CPA6: variants seen among roughly 807,000 people sequenced by gnomAD.
The protein encoded by CPA6 is carboxypeptidase B.
In CPA6, 58 loss-of-function variants were observed where a neutral mutation model predicts 63.3. The observed-to-expected ratio is 0.92, with a 90% CI of 0.74 to 1.14. The LOEUF (loss-of-function observed/expected upper bound fraction) is 1.14, where lower values mean the gene tolerates loss of function less well. Ranked by LOEUF, CPA6 falls within the 50% of genes most tolerant of loss-of-function variation. CPA6 has a pLI of 0.00. For synonymous variants in CPA6, 185 were observed against 179.0 expected (o/e 1.03, Z -0.27); for missense variants, 565 against 526.6 (o/e 1.07, Z -0.71).
intron 8 of CPA6, among the ~76,000 whole-genome samples, chr8:67,461,021 T>C (rs193134588): frequency 6.6e-6 from 1 of 151,738 alleles, no homozygotes; most frequent in Admixed American, 6.6e-5. Context: ...GCGTGAGGAA[T>C]GGTGGTGGAA....
intron 1 of CPA6, among the ~76,000 whole-genome samples, chr8:67,682,840 T>C (rs1262023149): frequency 6.6e-6 from 1 of 152,236 alleles, no homozygotes; most frequent in African/African-American, 2.4e-5. Context: ...AAACTACTCC[T>C]TCCCTACATG....
chr8:67,739,770 A>T (rs1167896624), intron 1 of CPA6, among the ~76,000 whole-genome samples: 1 of 152,210 alleles, frequency 6.6e-6, no homozygotes, highest in Non-Finnish European at 1.5e-5. Flanking sequence ...CCTTTGATGT[A>T]GTCGACAACA....
intron 2 of CPA6, among the ~76,000 whole-genome samples, chr8:67,573,963 A>G (rs1274593030): frequency 1.3e-5 from 2 of 151,462 alleles, no homozygotes; most frequent in Admixed American, 1.3e-4. Context: ...ATTAAAACAT[A>G]TTCTGTGTGT....
intron 2 of CPA6, among the ~76,000 whole-genome samples, chr8:67,559,890 T>C (rs202085683): frequency 1.1e-4 from 14 of 129,572 alleles, no homozygotes; most frequent in South Asian, 2.5e-4. Flanking sequence ...CACACACACA[T>C]ATATATAGTG....
chr8:67,686,826 TAAAAG>T (rs1042519849), intron 1 of CPA6, among the ~76,000 whole-genome samples: 1 of 152,126 alleles, frequency 6.6e-6, no homozygotes, highest in Non-Finnish European at 1.5e-5. Context: ...CTGAAAGAGA[TAAAAG>T]AAATCATAAA....
chr8:67,657,000 C>G (rs1470846689), intron 1 of CPA6, among the ~76,000 whole-genome samples: 1 of 152,106 alleles, frequency 6.6e-6, no homozygotes, highest in Non-Finnish European at 1.5e-5. Context: ...GAATATGATC[C>G]TATGTTCTAT....
intron 1 of CPA6, among the ~76,000 whole-genome samples, chr8:67,721,926 G>A (rs1235939778): frequency 6.6e-6 from 1 of 152,150 alleles, no homozygotes; most frequent in Non-Finnish European, 1.5e-5. Context: ...ACCTACTCTT[G>A]TGCCAGTCAC....
intron 1 of CPA6, among the ~76,000 whole-genome samples, chr8:67,647,204 G>C (rs938765185): frequency 2.6e-5 from 4 of 152,166 alleles, no homozygotes; most frequent in Non-Finnish European, 5.9e-5. Flanking sequence ...GGGAGGAAAA[G>C]AGGAGTTACA....
At position 67,715,933 on chromosome 8, in the gene CPA6, C is replaced by A. The variant is rs572658084; in HGVS notation, c.116+30081G>T. 2.0e-4 allele frequency among the ~76,000 whole-genome samples: 30 copies of A among 152,214 alleles called. No homozygotes were observed. In the East Asian group the frequency reaches 5.4e-3, roughly 27 times the overall value. ...CTTTGGGAGGCCGAGACGGGTGGAT[C>A]ACCTAAGGTCAGGAGTTCGAGATCA... is the stretch of plus-strand genomic sequence containing the variant. On this transcript the variant is annotated intron_variant, in intron 1 of 10. Transcript: ENST00000297770.
rs1563967663 is a variant in CPA6, at chr8:67,475,832, TTTCTTTC to T, written c.838+7929_838+7935del. ...TTCTTTCTTTCCTTTCTTTTCTTTC[TTTCTTTC>T]TTTCTTTCTTTCTTTCTTTCTTTCT... On this transcript the variant is annotated intron_variant, in intron 8 of 10. Transcript: ENST00000297770. 8.4e-3 allele frequency among the ~76,000 whole-genome samples: 468 copies of T among 55,916 alleles called. 1 individual carries two copies. The highest frequency in any genetic ancestry group is 0.013 in the South Asian group (19 of 1,504). The allele number at this position is 55,916 out of a possible 152,430, so 36.7% of individuals were successfully genotyped here. A position where few individuals can be genotyped will look rare whatever the true frequency, so the allele number is the denominator to read the frequency against.
At chr8:67,572,329 G>A (rs1813505477) in intron 2 of CPA6, among the ~76,000 whole-genome samples, 1 of 152,194 alleles carries the variant, frequency 6.6e-6, no homozygotes, top group African/African-American at 2.4e-5. Context: ...CTCATGAATG[G>A]CTTGGTGCCG....
intron 1 of CPA6, among the ~76,000 whole-genome samples, chr8:67,679,570 G>T (rs1177953713): frequency 2.0e-5 from 3 of 152,126 alleles, no homozygotes; most frequent in Non-Finnish European, 4.4e-5. Context: ...TAGTCAGTTT[G>T]ATATTTGGGA....
chr8:67,696,339 A>G (rs1816912034), intron 1 of CPA6, among the ~76,000 whole-genome samples: 1 of 152,252 alleles, frequency 6.6e-6, no homozygotes, highest in African/African-American at 2.4e-5. Context: ...AATTACAGCC[A>G]CACTGAGAAG....
intron 8 of CPA6, among the ~76,000 whole-genome samples, chr8:67,448,408 A>T (rs781378640): frequency 1.8e-4 from 27 of 151,962 alleles, no homozygotes; most frequent in Non-Finnish European, 3.1e-4. Flanking sequence ...AGGTGGGCAG[A>T]TCACTTCCAT....
chr8:67,737,676 A>G (rs1249571428), intron 1 of CPA6, among the ~76,000 whole-genome samples: 1 of 152,252 alleles, frequency 6.6e-6, no homozygotes, highest in Non-Finnish European at 1.5e-5. Flanking sequence ...CTAGACTAGC[A>G]GCGGGCCAGA....
chr8:67,510,366 C>A (rs894957701), intron 4 of CPA6, among the ~76,000 whole-genome samples: 2 of 151,752 alleles, frequency 1.3e-5, no homozygotes, highest in African/African-American at 4.8e-5. Context: ...CCCATATATT[C>A]TTTTCTTTCT....
At chr8:67,520,202 A>C (rs1812678) in intron 2 of CPA6, among the ~76,000 whole-genome samples, 13,423 of 152,152 alleles carry the variant, frequency 0.088, 1,502 homozygotes, top group African/African-American at 0.26. Context: ...AGCTAAAATA[A>C]TATGAATTAC....
intron 1 of CPA6, among the ~76,000 whole-genome samples, chr8:67,631,858 T>C (rs1313781413): frequency 6.6e-6 from 1 of 151,868 alleles, no homozygotes; most frequent in African/African-American, 2.4e-5. Flanking sequence ...TTAAGAGCTG[T>C]AACACTCACC....
chr8:67,640,846 C>T (rs1410622643), intron 1 of CPA6, among the ~76,000 whole-genome samples: 9 of 151,758 alleles, frequency 5.9e-5, no homozygotes, highest in Non-Finnish European at 1.3e-4. Context: ...CAACCTCAAA[C>T]GAGTGAACCC....
Sources: allele counts gnomAD v4.1 joint callset (sites outside exome capture counted in the v4.1 genomes callset), GRCh38; gene constraint gnomAD v4.1.1; transcripts MANE v1.5; gene names NCBI Gene and HGNC (gene_info 2026-07-23, HGNC 2026-07-21).